The following AAK1 variants were observed in gnomAD, a reference collection of about 807,000 sequenced individuals.
The protein encoded by AAK1 is AP2 associated kinase 1.
Under a neutral mutation model 116.0 loss-of-function variants are expected in AAK1, and 37 were observed. That is an observed-to-expected ratio of 0.32 (90% CI 0.25 to 0.42). The LOEUF is 0.42. Among genes scored for constraint, AAK1 ranks in the 10% least tolerant of loss-of-function variants. The pLI is 1.00. For missense variants in AAK1, 919 were observed against 1,170.6 expected, an observed-to-expected ratio of 0.79 and a Z score of 3.14; for synonymous variants, 458 against 439.9, an observed-to-expected ratio of 1.04 and a Z score of -0.51.
intron 2 of AAK1, among the ~76,000 whole-genome samples, chr2:69,586,409 T>C (rs2105155871): frequency 6.6e-6 from 1 of 152,192 alleles, no homozygotes; most frequent in South Asian, 2.1e-4. Flanking sequence ...TGAGGAACCA[T>C]TTACAGAGCT....
chr2:69,592,775 C>T (rs1673090467), intron 2 of AAK1, among the ~76,000 whole-genome samples: 1 of 152,194 alleles, frequency 6.6e-6, no homozygotes, highest in African/African-American at 2.4e-5. Flanking sequence ...TAATTGGACT[C>T]ATTTAACATC....
At chr2:69,536,982 T>C (rs574005066) in intron 5 of AAK1, among the ~76,000 whole-genome samples, 1 of 152,366 alleles carries the variant, frequency 6.6e-6, no homozygotes, top group South Asian at 2.1e-4. Context: ...GCCTTAACCC[T>C]TTCTTCTCCT....
rs544240479 is a variant in AAK1 at position 69,606,902 on chromosome 2, C to CA, written c.163+35975dup. Among the ~76,000 whole-genome samples, 14 of 152,052 alleles carry CA rather than the reference C, an allele frequency of 9.2e-5. No homozygotes were observed. In the East Asian group the frequency reaches 2.5e-3, roughly 27 times the overall value. Reference sequence around the variant, plus strand: ...GCAACCAGGTAAAACCCCATCTCTACAAAAAATACAGAAATTAGCCGGGCG... The same window carrying CA: ...GCAACCAGGTAAAACCCCATCTCTACAAAAAAATACAGAAATTAGCCGGGCG... On this transcript the variant is annotated intron_variant, in intron 2 of 21. Coordinates refer to ENST00000409085, the MANE Select transcript of AAK1 (RefSeq NM_014911.5).
chr2:69,581,200 G>C (rs558614295), intron 2 of AAK1, among the ~76,000 whole-genome samples: 1 of 152,130 alleles, frequency 6.6e-6, no homozygotes, highest in East Asian at 1.9e-4. Context: ...TGCAACCTCC[G>C]CCTCCCGGGT....
chr2:69,530,570 A>G, intron 7 of AAK1, 55 bp downstream of exon 7: 1 of 1,452,790 alleles, frequency 6.9e-7, no homozygotes, highest in South Asian at 1.1e-5. Context: ...AACCTTGGGA[A>G]TTCACAGTCA....
chr2:69,500,502 C>T (rs2104945390), intron 16 of AAK1, among the ~76,000 whole-genome samples: 1 of 151,834 alleles, frequency 6.6e-6, no homozygotes, highest in East Asian at 1.9e-4. Context: ...CAGCTGTGCC[C>T]TTGGGCAGGT....
intron 2 of AAK1, among the ~76,000 whole-genome samples, chr2:69,618,017 G>A (rs1299385290): frequency 6.6e-6 from 1 of 152,132 alleles, no homozygotes; most frequent in African/African-American, 2.4e-5. Context: ...TTAATCATTA[G>A]TCTAGTGATA....
rs1675719050 is a variant in AAK1, at chr2:69,495,894, C to T, written c.2365+91G>A. The T allele has an allele frequency of 1.6e-5, 17 of 1,042,972 alleles. No homozygotes were observed. In the South Asian group the frequency reaches 2.6e-4, roughly 16 times the overall value. The allele number at this position is 1,042,972 out of a possible 1,614,324, so 64.6% of individuals were successfully genotyped here. A position where few individuals can be genotyped will look rare whatever the true frequency, so the allele number is the denominator to read the frequency against. On this transcript the variant is annotated intron_variant, in intron 17 of 21. Transcript: ENST00000409085. ...ATTATTAGGGCTTGGAATTCAGATC[C>T]TTTTCACGGGGTATTTAAGGCAGAA...
chr2:69,569,749 C>A (rs1672019520), intron 2 of AAK1, among the ~76,000 whole-genome samples: 1 of 152,034 alleles, frequency 6.6e-6, no homozygotes, highest in Admixed American at 6.6e-5. Context: ...ATGGTATGTG[C>A]TTTTTTGTGT....
chr2:69,633,912 G>A (rs1260016837), intron 2 of AAK1, among the ~76,000 whole-genome samples: 2 of 152,230 alleles, frequency 1.3e-5, no homozygotes, highest in African/African-American at 4.8e-5. Flanking sequence ...GCTCACGCCT[G>A]TAATCCCACC....
intron 16 of AAK1, among the ~76,000 whole-genome samples, chr2:69,504,029 G>C (rs1017783735): frequency 1.3e-5 from 2 of 151,192 alleles, no homozygotes; most frequent in Admixed American, 6.6e-5. Context: ...TATTTTAGGA[G>C]CTTCTTTAAT....
At chr2:69,507,708 T>A in intron 14 of AAK1, 130 bp from the exon 15 acceptor site, 1 of 147,666 alleles carries the variant, frequency 6.8e-6, no homozygotes, top group Non-Finnish European at 1.2e-5. Flanking sequence ...CACCACAGTA[T>A]TTTTTTTTTT....
At chr2:69,492,893 G>C (rs1675586538) in intron 17 of AAK1, among the ~76,000 whole-genome samples, 1 of 151,774 alleles carries the variant, frequency 6.6e-6, no homozygotes, top group African/African-American at 2.4e-5. Context: ...AAGAAAATCA[G>C]GCAAAAAACT....
chr2:69,541,920 T>A (rs746277129), intron 5 of AAK1, among the ~76,000 whole-genome samples: 1 of 152,252 alleles, frequency 6.6e-6, no homozygotes, highest in Non-Finnish European at 1.5e-5. Flanking sequence ...GCAAGTCACA[T>A]AACCTCTCTG....
chr2:69,522,998 T>C (rs75666227), intron 10 of AAK1, among the ~76,000 whole-genome samples: 3,204 of 152,266 alleles, frequency 0.021, 72 homozygotes, highest in African/African-American at 0.051. Context: ...ATAATGGGTA[T>C]GTCACTCACC....
At chr2:69,564,397 G>A (rs1335294692) in intron 2 of AAK1, among the ~76,000 whole-genome samples, 2 of 151,264 alleles carry the variant, frequency 1.3e-5, no homozygotes, top group Non-Finnish European at 2.9e-5. Context: ...TTTTAGCTGT[G>A]TAATTTTGGA....
At position 69,470,849 on chromosome 2, in the gene AAK1, A is replaced by C; in HGVS notation, c.*5020T>G. 1 of 985,854 alleles carries C rather than the reference A, an allele frequency of 1.0e-6. No individual in the cohort carries two copies. Among genetic ancestry groups the C allele is most frequent in the Non-Finnish European group, 1.2e-6 (1 of 829,914 alleles). The allele number at this position is 985,854 out of a possible 1,614,324, so 61.1% of individuals were successfully genotyped here. ...AATACTGTGATTAAATCCTTTCTGC[A>C]AAAAAGTGGGTTTTCAGCTCAGGAA... On this transcript the variant is annotated 3_prime_UTR_variant, in exon 22 of 22. Coordinates refer to ENST00000409085, the MANE Select transcript of AAK1 (RefSeq NM_014911.5).
chr2:69,562,129 T>C (rs538402800), intron 2 of AAK1, among the ~76,000 whole-genome samples: 8 of 152,328 alleles, frequency 5.3e-5, no homozygotes, highest in Non-Finnish European at 2.9e-5. Flanking sequence ...AGTGACTATT[T>C]CCCTTTATGT....
In AAK1 at chr2:69,514,495, C is replaced by G. The variant is rs892231418; in HGVS notation, c.1752G>C (p.Gln584His). Residue 584 changes from glutamine to histidine, a missense_variant, in exon 13 of 22, where the codon CAG becomes CAC. Physicochemically the swap from Gln to His is conservative, Grantham distance 24 (BLOSUM62 0). Transcript: ENST00000409085. Reference protein sequence around the residue: ...QPQPQPAAAPQPAPAQEPAIQ... With the variant: ...QPQPQPAAAPHPAPAQEPAIQ... ...CCGCTGGCTCCTGGGCAGGGGCTGG[C>G]TGTGGGGCTGCAGCTGGCTGTGGCT... is the stretch of plus-strand genomic sequence containing the variant. The G allele has an allele frequency of 5.8e-6, 9 of 1,548,750 alleles. No individual in the cohort carries two copies. The highest frequency in any genetic ancestry group is 7.9e-6 in the Non-Finnish European group (9 of 1,145,578).
Sources: gnomAD v4.1 joint callset for allele counts (sites outside exome capture counted in the v4.1 genomes callset) on GRCh38, gnomAD v4.1.1 for gene constraint, MANE v1.5 for transcripts, NCBI Gene and HGNC (gene_info 2026-07-23, HGNC 2026-07-21) for gene names.